The following GABBR2 variants were observed in gnomAD, a reference collection of about 807,000 sequenced individuals.
The protein encoded by GABBR2 is G-protein coupled receptor 51.
A neutral mutation model predicts 105.6 loss-of-function variants in GABBR2; 23 were observed. The ratio of observed to expected loss-of-function variants is 0.22; its 90% confidence interval spans 0.16 to 0.31. GABBR2 has a LOEUF of 0.31. Ranked by LOEUF, GABBR2 falls within the 10% of genes least tolerant of loss-of-function variation. GABBR2 has a pLI of 1.00. For synonymous variants in GABBR2, 478 were observed against 499.7 expected, an observed-to-expected ratio of 0.96 and a Z score of 0.58; for missense variants, 734 against 1,245.5, an observed-to-expected ratio of 0.59 and a Z score of 6.18.
chr9:98,445,381 A>G (rs1280817632), intron 7 of GABBR2, among the ~76,000 whole-genome samples: 2 of 152,240 alleles, frequency 1.3e-5, no homozygotes, highest in Non-Finnish European at 2.9e-5. Flanking sequence ...CATTGGTTCT[A>G]AAGTTACACA....
At chr9:98,386,576 C>T (rs1035054960) in intron 10 of GABBR2, among the ~76,000 whole-genome samples, 3 of 152,132 alleles carry the variant, frequency 2.0e-5, no homozygotes, top group African/African-American at 4.8e-5. Flanking sequence ...CATTTCCTCC[C>T]GGAACCCTGT....
At chr9:98,591,438 CA>C (rs1564124249) in intron 1 of GABBR2, among the ~76,000 whole-genome samples, 1 of 152,206 alleles carries the variant, frequency 6.6e-6, no homozygotes, top group Non-Finnish European at 1.5e-5. Context: ...GTCACTGCAG[CA>C]CTTTCACCAG....
chr9:98,605,815 A>C (rs1416471876), intron 1 of GABBR2, among the ~76,000 whole-genome samples: 1 of 152,106 alleles, frequency 6.6e-6, no homozygotes, highest in Non-Finnish European at 1.5e-5. Context: ...TCTAGGGTAC[A>C]TGTGCACAAC....
chr9:98,518,586 T>C (rs1270303311), intron 3 of GABBR2, among the ~76,000 whole-genome samples: 2 of 152,200 alleles, frequency 1.3e-5, no homozygotes, highest in African/African-American at 4.8e-5. Context: ...CCCCTGCTTC[T>C]TCCTCCCAGG....
At chr9:98,608,049 A>G in intron 1 of GABBR2, 1 of 1,308,030 alleles carries the variant, frequency 7.6e-7, no homozygotes, top group African/African-American at 1.4e-5. Context: ...TGAGAAAGCA[A>G]ACTGGGAAGC....
chr9:98,563,434 C>G (rs990819288), intron 2 of GABBR2, among the ~76,000 whole-genome samples: 1 of 152,212 alleles, frequency 6.6e-6, no homozygotes, highest in Non-Finnish European at 1.5e-5. Flanking sequence ...CCACCGGAGG[C>G]ACGCCCTGGA....
chr9:98,352,309 G>T (rs1055146926), intron 13 of GABBR2, among the ~76,000 whole-genome samples: 2 of 152,176 alleles, frequency 1.3e-5, no homozygotes, highest in African/African-American at 4.8e-5. Context: ...GTCAATGGTG[G>T]GCCTAGGTGG....
At chr9:98,570,260 C>T (rs1044152773) in intron 2 of GABBR2, among the ~76,000 whole-genome samples, 10 of 152,172 alleles carry the variant, frequency 6.6e-5, no homozygotes, top group African/African-American at 1.9e-4. Flanking sequence ...GGTGGGCTGT[C>T]GAGGGGCGGC....
chr9:98,443,694 T>A (rs2485145), intron 7 of GABBR2, among the ~76,000 whole-genome samples: 111,348 of 152,106 alleles, frequency 0.73, 41,324 homozygotes, highest in African/African-American at 0.84. Flanking sequence ...ATGGACTAAG[T>A]GCTGGGTCTT....
chr9:98,364,937 G>C (rs1682600949), intron 12 of GABBR2, among the ~76,000 whole-genome samples: 1 of 152,132 alleles, frequency 6.6e-6, no homozygotes, highest in Non-Finnish European at 1.5e-5. Context: ...AAATTAAGTG[G>C]ACCTGAGTTA....
chr9:98,304,136 G>T (rs1295174626), intron 15 of GABBR2: 1 of 152,448 alleles, frequency 6.6e-6, no homozygotes, highest in Non-Finnish European at 1.5e-5. Context: ...GTGGGATGGG[G>T]ATGAAGGAAG....
Position 98,388,871 on chromosome 9 carries a change from G to A in GABBR2, c.1512C>T (p.Ile504=). 6.2e-7 allele frequency: 1 copy of A among 1,613,232 alleles called. No individual in the cohort carries two copies. The highest frequency in any genetic ancestry group is 1.1e-5 in the South Asian group (1 of 90,844). The change falls in exon 10 of 19, where the codon ATC becomes ATT. Residue 504 remains isoleucine, a synonymous_variant. Coordinates refer to ENST00000259455, the MANE Select transcript of GABBR2 (RefSeq NM_005458.8). The surrounding 1 kb of genome is among the most constrained non-coding windows in gnomAD (Gnocchi z 4.4). ...TGGCTTACTTCTGATTCCGGTTCTTGATGTTGAAGAAGAGAAAAGCACTGG... is the reference window on the plus strand; with the variant it reads ...TGGCTTACTTCTGATTCCGGTTCTTAATGTTGAAGAAGAGAAAAGCACTGG... The part of the protein sequence containing the change: ...IMASAFLFFN[I]KNRNQKLIKM...
intron 13 of GABBR2, among the ~76,000 whole-genome samples, chr9:98,358,624 T>A (rs1438124359): frequency 6.6e-6 from 1 of 152,208 alleles, no homozygotes; most frequent in Non-Finnish European, 1.5e-5. Flanking sequence ...CTGGAGTCCC[T>A]CACAGGGCCT....
chr9:98,381,421 T>C (rs1056948911), intron 11 of GABBR2, among the ~76,000 whole-genome samples: 2 of 152,196 alleles, frequency 1.3e-5, no homozygotes, highest in Admixed American at 6.5e-5. Context: ...ACAGAATCCA[T>C]GGCACCAAGT....
intron 7 of GABBR2, among the ~76,000 whole-genome samples, chr9:98,452,858 G>GT (rs1157585635): frequency 6.6e-6 from 1 of 152,198 alleles, no homozygotes; most frequent in African/African-American, 2.4e-5. Context: ...AGCTTACAAG[G>GT]TAAGTATGAT....
intron 13 of GABBR2, among the ~76,000 whole-genome samples, chr9:98,323,956 A>G (rs1830871333): frequency 6.6e-6 from 1 of 152,152 alleles, no homozygotes; most frequent in Admixed American, 6.5e-5. Context: ...TGTGCACTCA[A>G]TGTCAAGGTT....
At chr9:98,346,588 C>A (rs1831307472) in intron 13 of GABBR2, among the ~76,000 whole-genome samples, 1 of 152,134 alleles carries the variant, frequency 6.6e-6, no homozygotes, top group African/African-American at 2.4e-5. Flanking sequence ...CATTCAAAAT[C>A]CTCTCTTCTA....
intron 8 of GABBR2, among the ~76,000 whole-genome samples, chr9:98,405,203 G>A (rs1206268994): frequency 6.6e-6 from 1 of 152,140 alleles, no homozygotes; most frequent in African/African-American, 2.4e-5. Context: ...TTGGGCACAT[G>A]GGGGTTCATG....
At chr9:98,662,595 A>T (rs922310656) in intron 1 of GABBR2, among the ~76,000 whole-genome samples, 1 of 152,216 alleles carries the variant, frequency 6.6e-6, no homozygotes, top group African/African-American at 2.4e-5. Flanking sequence ...TCCAACCCTG[A>T]CAAATCTGCT....
Sources: gnomAD v4.1 joint callset for allele counts (sites outside exome capture counted in the v4.1 genomes callset) on GRCh38, gnomAD v4.1.1 for gene constraint, Gnocchi (gnomAD v3.1) non-coding constraint, MANE v1.5 for transcripts, NCBI Gene and HGNC (gene_info 2026-07-23, HGNC 2026-07-21) for gene names.